Variants in SMC5 observed in about 807,000 individuals in gnomAD.
SMC5 encodes structural maintenance of chromosomes protein 5.
In SMC5, 88 loss-of-function variants were observed where a neutral mutation model predicts 148.3. The observed-to-expected ratio is 0.59, with a 90% CI of 0.50 to 0.71. SMC5 has a LOEUF of 0.71. SMC5 is among the 30% of genes least tolerant of loss of function. SMC5 has a pLI of 0.00. For synonymous variants in SMC5, 421 were observed against 432.8 expected (o/e 0.97, Z 0.34); for missense variants, 1,142 against 1,298.9 (o/e 0.88, Z 1.86).
At chr9:70,271,504 AGT>A (rs2034449077) in intron 3 of SMC5, among the ~76,000 whole-genome samples, 1 of 152,230 alleles carries the variant, frequency 6.6e-6, no homozygotes, top group South Asian at 2.1e-4. Flanking sequence ...GTATTTATGT[AGT>A]CATTTTCCAA....
chr9:70,315,682 CTG>C, intron 13 of SMC5, 104 bp downstream of exon 13: 1 of 946,180 alleles, frequency 1.1e-6, no homozygotes, highest in East Asian at 2.9e-5. Flanking sequence ...TTAAGTAAGT[CTG>C]TTGTTTTTAA....
In SMC5 at chr9:70,305,337, G is replaced by A; in HGVS notation, c.1555G>A (p.Asp519Asn). 1 of 1,598,884 alleles carries A rather than the reference G, an allele frequency of 6.3e-7. No homozygotes were observed. The highest frequency in any genetic ancestry group is 8.5e-7 in the Non-Finnish European group (1 of 1,169,756). ...LRAFVFESQE[D>N]MEVFLKEVRD... Reference sequence around the variant, plus strand: ...AGCCTTTGTATTTGAAAGTCAAGAAGATATGGAGGTTTTCCTCAAAGAGGC... The same window carrying A: ...AGCCTTTGTATTTGAAAGTCAAGAAAATATGGAGGTTTTCCTCAAAGAGGC... Residue 519 changes from aspartate to asparagine, a missense_variant, in exon 11 of 25, where the codon GAT (aspartate) becomes AAT (asparagine). Physicochemically the swap from Asp to Asn is conservative, Grantham distance 23 (BLOSUM62 1). Coordinates refer to ENST00000361138, the MANE Select transcript of SMC5 (RefSeq NM_015110.4).
intron 1 of SMC5, among the ~76,000 whole-genome samples, chr9:70,261,427 G>T (rs1462709976): frequency 6.6e-6 from 1 of 152,194 alleles, no homozygotes; most frequent in Non-Finnish European, 1.5e-5. Flanking sequence ...TGAGGCATGG[G>T]GGAAAGGGAG....
At chr9:70,309,317 C>CTTTTTTT (rs1564050219) in intron 11 of SMC5, among the ~76,000 whole-genome samples, 1 of 47,318 alleles carries the variant, frequency 2.1e-5, no homozygotes, top group Admixed American at 4.0e-4. Flanking sequence ...TTTTCCTTTT[C>CTTTTTTT]CTTTTTTTTT....
chr9:70,298,592 T>G (rs2035271786), intron 9 of SMC5, among the ~76,000 whole-genome samples: 1 of 152,122 alleles, frequency 6.6e-6, no homozygotes, highest in South Asian at 2.1e-4. Flanking sequence ...CATCTTTGGT[T>G]TTCTTTTTTT....
Position 70,315,488 on chromosome 9 carries a change from A to G in SMC5, c.1716A>G (p.Ala572=). 4.4e-6 allele frequency: 7 copies of G among 1,599,096 alleles called. No homozygotes were observed. The highest frequency in any genetic ancestry group is 6.0e-6 in the Non-Finnish European group (7 of 1,170,928). The change falls in exon 13 of 25, where the codon GCA becomes GCG. Residue 572 remains alanine (A), a synonymous_variant. Transcript: ENST00000361138. ...CTTATTTGAGAGAATTATTTGATGC[A>G]CCTGATCCTGTAATGAGTTACCTTT... The part of the protein sequence containing the change: ...FFSYLRELFD[A]PDPVMSYLCC...
chr9:70,339,150 C>T (rs1262642947), intron 17 of SMC5, among the ~76,000 whole-genome samples: 1 of 152,138 alleles, frequency 6.6e-6, no homozygotes, highest in East Asian at 1.9e-4. Flanking sequence ...CAAGAATGGG[C>T]TGGGCACGGT....
At chr9:70,346,573 C>G (rs777470145) in intron 18 of SMC5, 32 bp from the exon 19 acceptor site, 1 of 1,611,260 alleles carries the variant, frequency 6.2e-7, no homozygotes, top group South Asian at 1.1e-5. Context: ...TTTCAATGCC[C>G]CACATATTCT....
intron 11 of SMC5, chr9:70,311,095 T>C (rs960380795): frequency 6.6e-6 from 1 of 152,242 alleles, no homozygotes; most frequent in Non-Finnish European, 1.5e-5. Context: ...ACTTCTAATT[T>C]CCTTCAAGAA....
At chr9:70,315,610 T>C in intron 13 of SMC5, 32 bp downstream of exon 13, 1 of 1,443,306 alleles carries the variant, frequency 6.9e-7, no homozygotes, top group South Asian at 1.6e-5. Flanking sequence ...TACTGAATCA[T>C]GTACCAAAAA....
At chr9:70,348,252 T>A (rs4745004) in intron 22 of SMC5, among the ~76,000 whole-genome samples, 74,748 of 151,970 alleles carry the variant, frequency 0.49, 21,029 homozygotes, top group Non-Finnish European at 0.62. Context: ...TAATACCTTG[T>A]AACTCTTTTT....
intron 10 of SMC5, among the ~76,000 whole-genome samples, chr9:70,301,416 A>G (rs1018151577): frequency 6.6e-6 from 1 of 152,124 alleles, no homozygotes; most frequent in Non-Finnish European, 1.5e-5. Context: ...CCCTTTTCAG[A>G]CTAACCTTTC....
intron 1 of SMC5, among the ~76,000 whole-genome samples, chr9:70,263,316 C>A (rs553200149): frequency 6.6e-6 from 1 of 152,198 alleles, no homozygotes; most frequent in African/African-American, 2.4e-5. Flanking sequence ...GATTAGCAAA[C>A]CTGCCAGAAA....
chr9:70,350,357 T>TA lies in SMC5; in HGVS notation c.3070-18dup, dbSNP rs149362948. On this transcript the variant is annotated intron_variant, in intron 23 of 24. Coordinates refer to ENST00000361138, the MANE Select transcript of SMC5 (RefSeq NM_015110.4). ...CTGTAACAGGAATAAATGTAATCAT[T>TA]ATTGTTGCCATTGTTTAGGGAATGG... 1 of 1,610,642 alleles carries TA rather than the reference T, an allele frequency of 6.2e-7. No homozygotes were observed. Among genetic ancestry groups the TA allele is most frequent in the East Asian group, 2.2e-5 (1 of 44,692 alleles).
chr9:70,271,608 G>A (rs925665828), intron 3 of SMC5, among the ~76,000 whole-genome samples: 3 of 152,166 alleles, frequency 2.0e-5, no homozygotes, highest in African/African-American at 7.2e-5. Context: ...TAAGTAAAAT[G>A]TATATATGTT....
At chr9:70,267,894 C>T (rs766062358) in intron 2 of SMC5, 29 bp from the exon 3 acceptor site, 2 of 1,592,248 alleles carry the variant, frequency 1.3e-6, no homozygotes, top group Admixed American at 1.7e-5. Flanking sequence ...TGTCACTACA[C>T]AGCTCACTTT....
At position 70,318,592 on chromosome 9, in the gene SMC5, A is replaced by G. The variant is rs765108692; in HGVS notation, c.1885A>G (p.Lys629Glu). Residue 629 changes from lysine (K) to glutamate (E), a missense_variant, in exon 14 of 25, where the codon AAA becomes GAA. Coordinates refer to ENST00000361138, the MANE Select transcript of SMC5 (RefSeq NM_015110.4). ...YVVKTSFYSN[K>E]VISSNTSLKV... ...GGTGAAAACTTCTTTTTATTCAAAC[A>G]AAGTTATTTCTAGTAACACATCTCT... The G allele has an allele frequency of 1.7e-5, 28 of 1,612,742 alleles. No homozygotes were observed. The highest frequency in any genetic ancestry group is 2.2e-5 in the Non-Finnish European group (26 of 1,179,324).
At chr9:70,296,317 A>G (rs1162679228) in intron 8 of SMC5, among the ~76,000 whole-genome samples, 1 of 152,170 alleles carries the variant, frequency 6.6e-6, no homozygotes, top group Non-Finnish European at 1.5e-5. Flanking sequence ...ATTAAAACGT[A>G]AAAGTTTACC....
At chr9:70,271,241 ATTATC>A (rs1294295810) in intron 3 of SMC5, among the ~76,000 whole-genome samples, 1 of 152,192 alleles carries the variant, frequency 6.6e-6, no homozygotes, top group Non-Finnish European at 1.5e-5. Flanking sequence ...AGCTGTGATA[ATTATC>A]TTATTATATA....
Sources: gnomAD v4.1 joint callset for allele counts (sites outside exome capture counted in the v4.1 genomes callset) on GRCh38, gnomAD v4.1.1 for gene constraint, MANE v1.5 for transcripts, NCBI Gene and HGNC (gene_info 2026-07-23, HGNC 2026-07-21) for gene names.